NAV2: variants seen among roughly 807,000 people sequenced by gnomAD.
NAV2 encodes the protein neuron navigator 2, also known as helicase, APC down-regulated 1.
Under a neutral mutation model 223.2 loss-of-function variants are expected in NAV2, and 54 were observed. That is an observed-to-expected ratio of 0.24 (90% CI 0.19 to 0.30). NAV2 has a LOEUF of 0.30. Among genes scored for constraint, NAV2 ranks in the 10% least tolerant of loss-of-function variants. NAV2 has a pLI of 1.00. For synonymous variants in NAV2, 1,279 were observed against 1,239.3 expected (o/e 1.03, Z -0.67); for missense variants, 2,806 against 3,147.5 (o/e 0.89, Z 2.60).
Position 19,789,021 on chromosome 11 carries a change from T to C in NAV2, c.268-43463T>C, listed in dbSNP as rs189039101. On this transcript the variant is annotated intron_variant, in intron 1 of 37. Transcript: ENST00000349880. ...GGCAAGAATCCTGCTGCAATGCTTT[T>C]AATGCGGCCCCACTGAGAGGCATAA... 3.9e-5 allele frequency among the ~76,000 whole-genome samples: 6 copies of C among 152,338 alleles called. No homozygotes were observed. The East Asian group carries it at 9.6e-4, about 24-fold the overall frequency.
intron 20 of NAV2, among the ~76,000 whole-genome samples, chr11:20,067,905 C>T (rs577390127): frequency 6.6e-6 from 1 of 152,044 alleles, no homozygotes; most frequent in Non-Finnish European, 1.5e-5. Flanking sequence ...AGCACTTTAC[C>T]TATCACCATC....
chr11:19,981,976 T>A (rs2050332795), intron 10 of NAV2, among the ~76,000 whole-genome samples: 1 of 129,340 alleles, frequency 7.7e-6, no homozygotes, highest in Admixed American at 7.8e-5. Flanking sequence ...GTCTTTGGGC[T>A]TCATTCATTC....
intron 3 of NAV2, among the ~76,000 whole-genome samples, chr11:19,858,887 T>C (rs953353572): frequency 1.3e-5 from 2 of 152,226 alleles, no homozygotes; most frequent in African/African-American, 4.8e-5. Context: ...ATGCCGCTGG[T>C]ATGAAAATTC....
chr11:20,092,973 A>ACCCCCCCCCCCCCCCCCCCCTC (rs550356437), intron 28 of NAV2, 126 bp from the exon 29 acceptor site: 2 of 78,058 alleles, frequency 2.6e-5, no homozygotes, highest in Non-Finnish European at 2.8e-5. Context: ...CTCTTCCCCT[A>ACCCCCCCCCCCCCCCCCCCCTC]CCCCCCCACC....
At chr11:19,927,649 T>G (rs1387603283) in intron 6 of NAV2, among the ~76,000 whole-genome samples, 1 of 151,476 alleles carries the variant, frequency 6.6e-6, no homozygotes, top group African/African-American at 2.4e-5. Context: ...ATTGCACCAG[T>G]GCACTCCAGC....
chr11:19,708,416 G>T (rs2049739327), upstream of NAV2, among the ~76,000 whole-genome samples: 1 of 152,090 alleles, frequency 6.6e-6, no homozygotes, highest in Non-Finnish European at 1.5e-5. Flanking sequence ...CCCTCATCAT[G>T]TATAATCTAG....
intron 1 of NAV2, among the ~76,000 whole-genome samples, chr11:19,701,722 C>T (rs1400322214): frequency 6.6e-6 from 1 of 152,138 alleles, no homozygotes; most frequent in Non-Finnish European, 1.5e-5. Flanking sequence ...AGTGTCTTGC[C>T]CCACTGTTTA....
chr11:20,080,197 G>A lies in NAV2; in HGVS notation c.5313G>A (p.Lys1771=). ...SNIESDSKKK[K]RKNWLRSSFK... is the part of the protein sequence containing the mutation. ...TAGAGAGTGACTCAAAGAAGAAGAA[G>A]CGGAAGAACTGGGTGAGTGCACATC... The change falls in exon 25 of 38, where the codon AAG becomes AAA. Residue 1771 remains lysine (K), a synonymous_variant. Transcript: ENST00000349880. The A allele has an allele frequency of 6.3e-7, 1 of 1,591,610 alleles. No individual in the cohort carries two copies. The highest frequency in any genetic ancestry group is 8.6e-7 in the Non-Finnish European group (1 of 1,162,956).
chr11:19,804,763 T>A (rs543536197), intron 1 of NAV2, among the ~76,000 whole-genome samples: 27 of 152,328 alleles, frequency 1.8e-4, no homozygotes, highest in Admixed American at 1.4e-3. Context: ...TGTTAGAGAA[T>A]TTAACATGTG....
chr11:20,001,590 T>G (rs2052547725), intron 11 of NAV2, among the ~76,000 whole-genome samples: 3 of 150,752 alleles, frequency 2.0e-5, no homozygotes, highest in Admixed American at 1.3e-4. Flanking sequence ...TGACACAGAG[T>G]AGGTCTTCAG....
At chr11:19,937,836 G>A (rs536861017) in intron 7 of NAV2, among the ~76,000 whole-genome samples, 42 of 152,338 alleles carry the variant, frequency 2.8e-4, no homozygotes, top group Middle Eastern at 3.4e-3. Context: ...GTTGAGGAAA[G>A]ATTTACATTT....
chr11:19,747,017 T>C (rs1243276935), intron 1 of NAV2, among the ~76,000 whole-genome samples: 1 of 41,928 alleles, frequency 2.4e-5, no homozygotes, highest in Non-Finnish European at 7.3e-5. Flanking sequence ...GCATTAGGTA[T>C]ATCTCCTAAT....
chr11:20,009,127 TGA>T (rs1019002927), intron 11 of NAV2, among the ~76,000 whole-genome samples: 5 of 152,150 alleles, frequency 3.3e-5, no homozygotes, highest in African/African-American at 1.2e-4. Context: ...CGGGGAGAGA[TGA>T]AGCTGCAAAA....
At chr11:19,626,276 G>A (rs1416922358) in intron 1 of NAV2, among the ~76,000 whole-genome samples, 1 of 152,146 alleles carries the variant, frequency 6.6e-6, no homozygotes, top group Non-Finnish European at 1.5e-5. Context: ...ACCATTTATT[G>A]AAGAGGGTGT....
Position 20,035,999 on chromosome 11 carries a change from A to G in NAV2, c.2809A>G (p.Thr937Ala). The G allele has an allele frequency of 1.2e-6, 2 of 1,614,164 alleles. No individual in the cohort carries two copies. Among genetic ancestry groups the G allele is most frequent in the Non-Finnish European group, 8.5e-7 (1 of 1,180,016 alleles). ...SSSVSSGISDTIDNLSTDDIN... is the reference protein window; with the variant it reads ...SSSVSSGISDAIDNLSTDDIN... ...CTCCGTCAGCAGCGGCATCAGCGAC[A>G]CCATAGACAACCTCAGCACTGATGA... The change falls in exon 12 of 38, where the codon ACC becomes GCC. Residue 937 changes from threonine to alanine, a missense_variant. Thr to Ala is a moderately conservative substitution (Grantham distance 58). Transcript: ENST00000349880.
chr11:19,451,377 C>T (rs1564946503), intron 1 of NAV2, among the ~76,000 whole-genome samples: 1 of 152,144 alleles, frequency 6.6e-6, no homozygotes, highest in Admixed American at 6.5e-5. Flanking sequence ...CAGATCTCAC[C>T]CTAATAGATT....
chr11:19,461,698 C>G (rs952279093), intron 1 of NAV2, among the ~76,000 whole-genome samples: 4 of 152,040 alleles, frequency 2.6e-5, no homozygotes, highest in Non-Finnish European at 5.9e-5. Context: ...CTTAATGGGT[C>G]AAAACTAGCA....
intron 11 of NAV2, among the ~76,000 whole-genome samples, chr11:20,005,830 A>G (rs2053020440): frequency 6.6e-6 from 1 of 152,208 alleles, no homozygotes; most frequent in South Asian, 2.1e-4. Context: ...AGCTAGAATA[A>G]TAGTAGAAGT....
chr11:19,985,110 A>G (rs965120559), intron 11 of NAV2, among the ~76,000 whole-genome samples: 1 of 151,862 alleles, frequency 6.6e-6, no homozygotes, highest in Non-Finnish European at 1.5e-5. Context: ...CTTTTTGGGT[A>G]CTAAACCTTT....
Sources: allele counts gnomAD v4.1 joint callset (sites outside exome capture counted in the v4.1 genomes callset), GRCh38; gene constraint gnomAD v4.1.1; transcripts MANE v1.5; gene names NCBI Gene and HGNC (gene_info 2026-07-23, HGNC 2026-07-21).